The following MYOM1 variants were observed in gnomAD, a reference collection of about 807,000 sequenced individuals.
MYOM1 encodes myomesin 1, also known as myomesin-1.
A neutral mutation model predicts 205.3 loss-of-function variants in MYOM1; 164 were observed. The ratio of observed to expected loss-of-function variants is 0.80; its 90% confidence interval spans 0.70 to 0.91. MYOM1 has a LOEUF of 0.91. MYOM1 is among the 40% of genes least tolerant of loss of function. The pLI, the probability that MYOM1 is intolerant of heterozygous loss-of-function variation, is 0.00. For missense variants in MYOM1, 2,011 were observed against 2,127.3 expected, an observed-to-expected ratio of 0.95 and a Z score of 1.08; for synonymous variants, 772 against 789.4, an observed-to-expected ratio of 0.98 and a Z score of 0.37.
At chr18:3,111,365 C>G (rs2079525017) in intron 22 of MYOM1, among the ~76,000 whole-genome samples, 1 of 152,012 alleles carries the variant, frequency 6.6e-6, no homozygotes, top group African/African-American at 2.4e-5. Flanking sequence ...ACAATGAACA[C>G]AGTAAACTCT....
intron 35 of MYOM1, 48 bp from the exon 36 acceptor site, chr18:3,075,524 G>A: frequency 6.3e-7 from 1 of 1,591,578 alleles, no homozygotes; most frequent in Non-Finnish European, 8.6e-7. Context: ...TTGTGTTAGT[G>A]TTACTTCAAA....
intron 34 of MYOM1, among the ~76,000 whole-genome samples, chr18:3,077,223 T>C (rs1221392443): frequency 6.6e-6 from 1 of 151,940 alleles, no homozygotes; most frequent in Non-Finnish European, 1.5e-5. Context: ...CTTGCGATGT[T>C]GTCCAGGCTG....
intron 12 of MYOM1, among the ~76,000 whole-genome samples, chr18:3,150,057 CATTATT>C (rs547275593): frequency 6.6e-6 from 1 of 151,772 alleles, no homozygotes; most frequent in Non-Finnish European, 1.5e-5. Flanking sequence ...GAAATGGTAA[CATTATT>C]ATTATTATTA....
At position 3,090,733 on chromosome 18, in the gene MYOM1, C is replaced by T. The variant is rs2143711431; in HGVS notation, c.3934G>A (p.Asp1312Asn). 1 of 1,613,934 alleles carries T rather than the reference C, an allele frequency of 6.2e-7. No homozygotes were observed. The highest frequency in any genetic ancestry group is 1.1e-5 in the South Asian group (1 of 91,074). The change falls in exon 27 of 38, where the codon GAT becomes AAT. Residue 1312 changes from aspartate to asparagine, a missense_variant. Coordinates refer to ENST00000356443, the MANE Select transcript of MYOM1 (RefSeq NM_003803.4). ...AGCTGGAAAGTGTACGTTCCCTCAT[C>T]CTCATCCTGTAGCTTTTCCATGAAC... is the stretch of plus-strand genomic sequence containing the variant. ...EMFMEKLQDEDEGTYTFQLQD... is the reference protein window; with the variant it reads ...EMFMEKLQDENEGTYTFQLQD...
chr18:3,202,516 T>C (rs1315093209), intron 2 of MYOM1, among the ~76,000 whole-genome samples: 1 of 152,182 alleles, frequency 6.6e-6, no homozygotes, highest in East Asian at 1.9e-4. Flanking sequence ...TGGTAAGCTA[T>C]AGTAATATAA....
intron 2 of MYOM1, among the ~76,000 whole-genome samples, chr18:3,198,793 A>G (rs975254861): frequency 2.6e-5 from 4 of 151,660 alleles, no homozygotes; most frequent in African/African-American, 9.7e-5. Context: ...AAAAAAAGAA[A>G]AAAAAAAAAA....
Position 3,135,332 on chromosome 18 carries a change from C to A in MYOM1, c.2209+215G>T. The A allele has an allele frequency of 4.3e-6, 2 of 464,298 alleles. No individual in the cohort carries two copies. Among genetic ancestry groups the A allele is most frequent in the Non-Finnish European group, 7.5e-6 (2 of 265,544 alleles). 28.8% of individuals were successfully genotyped at this position (464,298 alleles called of 1,614,324 possible). Reference sequence around the variant, plus strand: ...AAATGTCCATGAACTTCAGAAAAAACACATTATCAATATTGTTGAAACTCC... The same window carrying A: ...AAATGTCCATGAACTTCAGAAAAAAAACATTATCAATATTGTTGAAACTCC... On this transcript the variant is annotated intron_variant, in intron 15 of 37. Coordinates refer to ENST00000356443, the MANE Select transcript of MYOM1 (RefSeq NM_003803.4). This position sits in a 1 kb window ranked among gnomAD's most constrained non-coding sequence, Gnocchi z 4.1.
At chr18:3,172,766 C>T (rs1255371146) in intron 8 of MYOM1, among the ~76,000 whole-genome samples, 1 of 152,202 alleles carries the variant, frequency 6.6e-6, no homozygotes, top group Non-Finnish European at 1.5e-5. Flanking sequence ...CCACCTCCGC[C>T]TCGCAAAGTG....
Position 3,215,146 on chromosome 18 carries a change from C to T in MYOM1, c.78G>A (p.Val26=), listed in dbSNP as rs775736584. ...SYRNKDVRST[V]SHYQREKKRS... The stretch of plus-strand genomic sequence containing the variant: ...GTTTCTTCTCCCGCTGGTAGTGACT[C>T]ACGGTGCTGCGCACGTCCTTGTTGC... Residue 26 remains valine (V), a synonymous_variant, in exon 2 of 38, where the codon GTG becomes GTA. Transcript: ENST00000356443. 2 of 1,613,816 alleles carry T rather than the reference C, an allele frequency of 1.2e-6. No homozygotes were observed. The highest frequency in any genetic ancestry group is 1.3e-5 in the African/African-American group (1 of 75,042).
At chr18:3,162,523 C>T (rs886129547) in intron 10 of MYOM1, among the ~76,000 whole-genome samples, 2 of 152,148 alleles carry the variant, frequency 1.3e-5, no homozygotes, top group African/African-American at 4.8e-5. Flanking sequence ...CCACGTGTCC[C>T]AGCTGTTCCT....
rs1355263606 is a variant in MYOM1, at chr18:3,149,263, T to A, written c.1844-62A>T. On this transcript the variant is annotated intron_variant, in intron 12 of 37. Transcript: ENST00000356443. ...CAAGTGTGCAATTTATCAGCTGCAC[T>A]GATGAATTGGGAAAGTGGCCAGATT... 7 of 1,416,782 alleles carry A rather than the reference T, an allele frequency of 4.9e-6. No homozygotes were observed. In the East Asian group the frequency reaches 1.6e-4, roughly 33 times the overall value. The allele number at this position is 1,416,782 out of a possible 1,614,324, so 87.8% of individuals were successfully genotyped here.
intron 1 of MYOM1, 57 bp from the exon 2 acceptor site, chr18:3,215,308 A>G: frequency 7.6e-7 from 1 of 1,311,130 alleles, no homozygotes; most frequent in East Asian, 2.5e-5. Context: ...CCATAGACCA[A>G]GTCATCTAAA....
At chr18:3,157,897 C>T (rs2080325125) in intron 10 of MYOM1, among the ~76,000 whole-genome samples, 1 of 151,716 alleles carries the variant, frequency 6.6e-6, no homozygotes, top group East Asian at 1.9e-4. Context: ...CGCCTCTGCC[C>T]TTCCCTCTCC....
In MYOM1 at chr18:3,086,113, G is replaced by A. The variant is rs745530936; in HGVS notation, c.4176C>T (p.Tyr1392=). 2 of 1,611,162 alleles carry A rather than the reference G, an allele frequency of 1.2e-6. No homozygotes were observed. The highest frequency in any genetic ancestry group is 1.3e-5 in the African/African-American group (1 of 74,984). ...CCACTGATATCTCCCTCTCATCTTT[G>A]TACCACACAATATGAGTCTCCTTCT... ...NIKKETHIVW[Y]KDEREISVDE... is the part of the protein sequence containing the mutation. The change falls in exon 30 of 38, where the codon TAC becomes TAT. Residue 1392 remains tyrosine, a synonymous_variant. Transcript: ENST00000356443.
At chr18:3,142,357 G>A (rs1280139018) in intron 13 of MYOM1, among the ~76,000 whole-genome samples, 1 of 152,030 alleles carries the variant, frequency 6.6e-6, no homozygotes, top group South Asian at 2.1e-4. Flanking sequence ...GACCTTCTGG[G>A]CCCAAGTGAT....
At position 3,112,295 on chromosome 18, in the gene MYOM1, C is replaced by T. The variant is rs1225365795; in HGVS notation, c.3418+3G>A. 2 of 1,612,648 alleles carry T rather than the reference C, an allele frequency of 1.2e-6. No individual in the cohort carries two copies. Among genetic ancestry groups the T allele is most frequent in the African/African-American group, 1.3e-5 (1 of 74,902 alleles). ...TAGTTTTAATGAAAAGGTGAAAGCC[C>T]ACCTGGACGGGTCTCTGCCACAACA... On this transcript the variant is annotated splice_donor_region_variant and intron_variant, in intron 22 of 37. Coordinates refer to ENST00000356443, the MANE Select transcript of MYOM1 (RefSeq NM_003803.4).
At chr18:3,137,036 C>T (rs1046427301) in intron 14 of MYOM1, among the ~76,000 whole-genome samples, 15 of 151,710 alleles carry the variant, frequency 9.9e-5, no homozygotes, top group Admixed American at 5.3e-4. Context: ...CTGCAAGCTC[C>T]GCCTCCTGGG....
chr18:3,082,563 A>G (rs1471633913), intron 33 of MYOM1, among the ~76,000 whole-genome samples: 1 of 151,986 alleles, frequency 6.6e-6, no homozygotes, highest in Non-Finnish European at 1.5e-5. Flanking sequence ...ATGCCATGTG[A>G]CCTTCTTCTC....
intron 34 of MYOM1, among the ~76,000 whole-genome samples, chr18:3,076,460 T>C (rs1445932360): frequency 6.6e-6 from 1 of 152,186 alleles, no homozygotes; most frequent in Non-Finnish European, 1.5e-5. Flanking sequence ...TATTAAATTA[T>C]CCCAGACATC....
Sources: allele counts gnomAD v4.1 joint callset (sites outside exome capture counted in the v4.1 genomes callset), GRCh38; gene constraint gnomAD v4.1.1; non-coding constraint Gnocchi (gnomAD v3.1); transcripts MANE v1.5; gene names NCBI Gene and HGNC (gene_info 2026-07-23, HGNC 2026-07-21).